The following ZFP91 variants were observed in gnomAD, a reference collection of about 807,000 sequenced individuals.
The protein encoded by ZFP91 is ZFP91 zinc finger protein, atypical E3 ubiquitin ligase.
A neutral mutation model predicts 63.5 loss-of-function variants in ZFP91; 7 were observed. The observed-to-expected ratio is 0.11, with a 90% CI of 0.06 to 0.21. ZFP91 has a LOEUF of 0.21. ZFP91 is among the 10% of genes least tolerant of loss of function. ZFP91 has a pLI of 1.00. For missense variants in ZFP91, 628 were observed against 736.6 expected (o/e 0.85, Z 1.71); for synonymous variants, 330 against 272.1 (o/e 1.21, Z -2.10).
Position 58,579,274 on chromosome 11 carries a change from A to G in ZFP91, c.-8A>G. 7.0e-7 allele frequency: 1 copy of G among 1,437,578 alleles called. No homozygotes were observed. The highest frequency in any genetic ancestry group is 1.4e-5 in the South Asian group (1 of 70,708). The allele number at this position is 1,437,578 out of a possible 1,614,324, so 89.1% of individuals were successfully genotyped here. A position where few individuals can be genotyped will look rare whatever the true frequency, so the allele number is the denominator to read the frequency against. ...TAGGACTAGGGGGTGGGGGACGGACAAGCCCCGATGCCGGGGGAGACGGAA... is the reference window on the plus strand; with the variant it reads ...TAGGACTAGGGGGTGGGGGACGGACGAGCCCCGATGCCGGGGGAGACGGAA... On this transcript the variant is annotated 5_prime_UTR_variant, in exon 1 of 11. Transcript: ENST00000316059.
chr11:58,603,018 A>AAG (rs1422776917), intron 2 of ZFP91, among the ~76,000 whole-genome samples: 1 of 152,164 alleles, frequency 6.6e-6, no homozygotes, highest in Non-Finnish European at 1.5e-5. Flanking sequence ...GATTGCCTTG[A>AAG]AGAGATGGTC....
intron 2 of ZFP91, 145 bp downstream of exon 2, chr11:58,585,029 G>T: frequency 1.6e-6 from 1 of 608,000 alleles, no homozygotes; most frequent in Non-Finnish European, 2.6e-6. Flanking sequence ...ATATTTAGAC[G>T]ACAGCACGTT....
At chr11:58,611,244 A>G in intron 5 of ZFP91, 190 bp downstream of exon 5, 1 of 503,888 alleles carries the variant, frequency 2.0e-6, no homozygotes, top group Non-Finnish European at 3.4e-6. Context: ...TCCCATTTGT[A>G]GAACTTTATT....
chr11:58,619,446 A>G lies in ZFP91; in HGVS notation c.*1740A>G, dbSNP rs1198386666. ...CCCTATTCATTGTTTATTGTCAGAA[A>G]TGCATGATGGCTCTTGGAAAGAATG... On this transcript the variant is annotated 3_prime_UTR_variant, in exon 11 of 11. Coordinates refer to ENST00000316059, the MANE Select transcript of ZFP91 (RefSeq NM_053023.5). 6.6e-6 allele frequency: 1 copy of G among 152,390 alleles called. No individual in the cohort carries two copies. 9.4% of individuals were successfully genotyped at this position (152,390 alleles called of 1,614,324 possible). A position where few individuals can be genotyped will look rare whatever the true frequency, so the allele number is the denominator to read the frequency against.
intron 1 of ZFP91, among the ~76,000 whole-genome samples, chr11:58,580,028 CA>C (rs1031650538): frequency 7.9e-5 from 12 of 151,666 alleles, no homozygotes; most frequent in Non-Finnish European, 8.8e-5. Context: ...TCATAGCCTT[CA>C]AAAATGATTC....
intron 1 of ZFP91, among the ~76,000 whole-genome samples, chr11:58,583,339 C>T (rs1055173073): frequency 2.0e-5 from 3 of 152,076 alleles, no homozygotes; most frequent in African/African-American, 7.2e-5. Context: ...TGTCTTCCTT[C>T]AGGTTCAGAT....
In ZFP91 at chr11:58,618,700, C is replaced by G. The variant is rs920829734; in HGVS notation, c.*994C>G. 1 of 456,846 alleles carries G rather than the reference C, an allele frequency of 2.2e-6. No individual in the cohort carries two copies. The highest frequency in any genetic ancestry group is 2.3e-5 in the Admixed American group (1 of 42,554). 28.3% of individuals were successfully genotyped at this position (456,846 alleles called of 1,614,324 possible). On this transcript the variant is annotated 3_prime_UTR_variant, in exon 11 of 11. Coordinates refer to ENST00000316059, the MANE Select transcript of ZFP91 (RefSeq NM_053023.5). ...AAGGCAAGACATAGGGTTGAAGAAGCACAGCCAGCCTCTGAAATCATAGCT... is the reference window on the plus strand; with the variant it reads ...AAGGCAAGACATAGGGTTGAAGAAGGACAGCCAGCCTCTGAAATCATAGCT...
intron 2 of ZFP91, among the ~76,000 whole-genome samples, chr11:58,602,244 T>A (rs552956254): frequency 1.3e-5 from 2 of 152,278 alleles, no homozygotes; most frequent in East Asian, 3.9e-4. Context: ...TTTTTTAACA[T>A]TATGTCTAAT....
At chr11:58,605,541 C>T (rs1855556658) in intron 2 of ZFP91, among the ~76,000 whole-genome samples, 2 of 151,378 alleles carry the variant, frequency 1.3e-5, no homozygotes, top group South Asian at 4.2e-4. Flanking sequence ...GTTTCGGCAG[C>T]TATAGAATTC....
chr11:58,608,195 A>T (rs973089843), intron 2 of ZFP91, among the ~76,000 whole-genome samples: 12 of 151,902 alleles, frequency 7.9e-5, no homozygotes, highest in Non-Finnish European at 1.5e-4. Flanking sequence ...ATTTGTGTGT[A>T]TATATATCTT....
intron 7 of ZFP91, 57 bp downstream of exon 7, chr11:58,612,385 T>C: frequency 6.4e-7 from 1 of 1,566,424 alleles, no homozygotes; most frequent in Non-Finnish European, 8.7e-7. Flanking sequence ...GGCACTTTAC[T>C]CACAAATTTA....
chr11:58,579,254 C>T lies in ZFP91; in HGVS notation c.-28C>T. ...CCGCCTCCGCCTCCGCCGCCTAGGA[C>T]TAGGGGGTGGGGGACGGACAAGCCC... On this transcript the variant is annotated 5_prime_UTR_variant, in exon 1 of 11. Coordinates refer to ENST00000316059, the MANE Select transcript of ZFP91 (RefSeq NM_053023.5). 2.2e-6 allele frequency: 3 copies of T among 1,390,680 alleles called. No individual in the cohort carries two copies. The South Asian group carries it at 4.7e-5, about 22-fold the overall frequency. The allele number at this position is 1,390,680 out of a possible 1,614,324, so 86.1% of individuals were successfully genotyped here. A position where few individuals can be genotyped will look rare whatever the true frequency, so the allele number is the denominator to read the frequency against.
At position 58,612,344 on chromosome 11, in the gene ZFP91, C is replaced by T. The variant is rs765245419; in HGVS notation, c.908+16C>T. On this transcript the variant is annotated intron_variant, in intron 7 of 10. Coordinates refer to ENST00000316059, the MANE Select transcript of ZFP91 (RefSeq NM_053023.5). ...CCAAAAGGAGGTGAGGAATTTTTAC[C>T]CCTACTGTTTTACACCTTATTCCAG... The T allele has an allele frequency of 9.3e-6, 15 of 1,612,888 alleles. No individual in the cohort carries two copies. Among genetic ancestry groups the T allele is most frequent in the Admixed American group, 1.7e-5 (1 of 59,950 alleles).
chr11:58,596,869 G>C (rs879706921), intron 2 of ZFP91, among the ~76,000 whole-genome samples: 2 of 152,052 alleles, frequency 1.3e-5, no homozygotes, highest in Non-Finnish European at 2.9e-5. Flanking sequence ...CTTTCATGAT[G>C]TTCTCTCTAT....
chr11:58,615,803 T>G (rs1855740516), intron 9 of ZFP91, among the ~76,000 whole-genome samples: 1 of 152,214 alleles, frequency 6.6e-6, no homozygotes, highest in African/African-American at 2.4e-5. Context: ...CTAAGCTGTT[T>G]GGAAAGGAGT....
chr11:58,602,453 G>T (rs1252047308), intron 2 of ZFP91, among the ~76,000 whole-genome samples: 1 of 151,610 alleles, frequency 6.6e-6, no homozygotes, highest in Non-Finnish European at 1.5e-5. Flanking sequence ...AGAGAGAGAT[G>T]GGGGGAGAGG....
chr11:58,593,471 T>C (rs1026213414), intron 2 of ZFP91, among the ~76,000 whole-genome samples: 4 of 152,246 alleles, frequency 2.6e-5, no homozygotes, highest in Admixed American at 6.5e-5. Flanking sequence ...CAGAACAAGA[T>C]TGTACTGTGG....
Position 58,617,096 on chromosome 11 carries a change from GTGTA to G in ZFP91, c.1203-94_1203-91del, listed in dbSNP as rs1554959257. ...TGTGTGTGTGTGTGTGTGTGTGTGT[GTGTA>G]TGTATATATATGCTCTAAACTCTAA... is the stretch of plus-strand genomic sequence containing the variant. On this transcript the variant is annotated intron_variant, in intron 10 of 10. Transcript: ENST00000316059. The surrounding 1 kb of genome is among the most constrained non-coding windows in gnomAD (Gnocchi z 4.2). 2.0e-6 allele frequency: 2 copies of G among 1,012,098 alleles called. No homozygotes were observed. Among genetic ancestry groups the G allele is most frequent in the Admixed American group, 2.5e-5 (1 of 39,800 alleles). The allele number at this position is 1,012,098 out of a possible 1,614,324, so 62.7% of individuals were successfully genotyped here.
At chr11:58,591,300 T>G (rs993690136) in intron 2 of ZFP91, among the ~76,000 whole-genome samples, 1 of 152,246 alleles carries the variant, frequency 6.6e-6, no homozygotes, top group Non-Finnish European at 1.5e-5. Flanking sequence ...ATAGATCGTT[T>G]ATTTTAGTTG....
Sources: gnomAD v4.1 joint callset for allele counts (sites outside exome capture counted in the v4.1 genomes callset) on GRCh38, gnomAD v4.1.1 for gene constraint, Gnocchi (gnomAD v3.1) non-coding constraint, MANE v1.5 for transcripts, NCBI Gene and HGNC (gene_info 2026-07-23, HGNC 2026-07-21) for gene names.